The following WNT7B variants were observed in gnomAD, a reference collection of about 807,000 sequenced individuals.
The protein encoded by WNT7B is protein Wnt-7b.
WNT7B carries 19 observed loss-of-function variants against 38.2 expected under a neutral mutation model. The observed-to-expected ratio is 0.50, with a 90% CI of 0.35 to 0.73. The LOEUF (loss-of-function observed/expected upper bound fraction) is 0.73, where lower values mean the gene tolerates loss of function less well. Ranked by LOEUF, WNT7B falls within the 30% of genes least tolerant of loss-of-function variation. The pLI, the probability that WNT7B is intolerant of heterozygous loss-of-function variation, is 0.01. For missense variants in WNT7B, 423 were observed against 507.9 expected (o/e 0.83, Z 1.61); for synonymous variants, 243 against 209.3 (o/e 1.16, Z -1.39).
intron 1 of WNT7B, among the ~76,000 whole-genome samples, chr22:45,955,956 G>A (rs1047964177): frequency 9.2e-5 from 14 of 152,314 alleles, no homozygotes; most frequent in African/African-American, 2.2e-4. Context: ...CAGGTAGCGG[G>A]ACGACCTTGG....
At chr22:45,967,506 G>A (rs958062379) in intron 1 of WNT7B, among the ~76,000 whole-genome samples, 1 of 30,950 alleles carries the variant, frequency 3.2e-5, no homozygotes, top group Non-Finnish European at 6.7e-5. Flanking sequence ...AGAATGCACT[G>A]GCTCCGCACC....
intron 3 of WNT7B, among the ~76,000 whole-genome samples, chr22:45,929,053 G>C (rs56079916): frequency 0.41 from 62,151 of 152,042 alleles, 13,324 homozygotes; most frequent in African/African-American, 0.53. Context: ...AAAATGGGGA[G>C]AGTGAGAGTT....
intron 3 of WNT7B, among the ~76,000 whole-genome samples, chr22:45,924,672 G>A (rs943998318): frequency 5.9e-5 from 9 of 151,874 alleles, no homozygotes; most frequent in Non-Finnish European, 1.3e-4. Flanking sequence ...CCCTAGGCTG[G>A]CAGGTGGGTG....
At chr22:45,924,984 T>G (rs1931037245) in intron 3 of WNT7B, 1 of 888,286 alleles carries the variant, frequency 1.1e-6, no homozygotes, top group Non-Finnish European at 1.3e-6. Flanking sequence ...GGCTGGCAGG[T>G]GGGTGCCGGG....
intron 1 of WNT7B, among the ~76,000 whole-genome samples, chr22:45,969,300 C>A (rs928713187): frequency 2.0e-5 from 3 of 152,252 alleles, no homozygotes; most frequent in Admixed American, 6.5e-5. Flanking sequence ...ATGACAGGCT[C>A]CTACCGGAAG....
chr22:45,957,673 A>C (rs1476983585), intron 1 of WNT7B, among the ~76,000 whole-genome samples: 1 of 107,246 alleles, frequency 9.3e-6, no homozygotes, highest in Non-Finnish European at 1.8e-5. Context: ...AGGGAGCAAG[A>C]CTCCGTCTCA....
chr22:45,930,074 C>G (rs912678372), intron 3 of WNT7B, among the ~76,000 whole-genome samples: 1 of 149,686 alleles, frequency 6.7e-6, no homozygotes, highest in Non-Finnish European at 1.5e-5. Flanking sequence ...TGTGCCAGGC[C>G]CTACTTGCTT....
intron 1 of WNT7B, among the ~76,000 whole-genome samples, chr22:45,958,782 C>CG (rs1932130289): frequency 6.6e-6 from 1 of 152,178 alleles, no homozygotes; most frequent in South Asian, 2.1e-4. Flanking sequence ...TCGAAGACAG[C>CG]GGGGGCAGGA....
Position 45,976,787 on chromosome 22 carries a change from G to A in WNT7B, c.-33C>T, listed in dbSNP as rs754668322. ...GGAGGGGGGCTGCGCCATAGACAGCGGCGGCCGGAGGGGACGCGCGGGCCC... is the reference window on the plus strand; with the variant it reads ...GGAGGGGGGCTGCGCCATAGACAGCAGCGGCCGGAGGGGACGCGCGGGCCC... On this transcript the variant is annotated 5_prime_UTR_variant, in exon 1 of 4. Coordinates refer to ENST00000339464, the MANE Select transcript of WNT7B (RefSeq NM_058238.3). The surrounding 1 kb of genome is among the most constrained non-coding windows in gnomAD (Gnocchi z 8.5). The A allele has an allele frequency of 3.2e-6, 5 of 1,581,674 alleles. No individual in the cohort carries two copies.
At chr22:45,970,900 G>A (rs904528425) in intron 1 of WNT7B, among the ~76,000 whole-genome samples, 1 of 152,238 alleles carries the variant, frequency 6.6e-6, no homozygotes, top group South Asian at 2.1e-4. Flanking sequence ...CGATGCCTCC[G>A]CAGCCGGGGC....
intron 3 of WNT7B, among the ~76,000 whole-genome samples, chr22:45,928,070 A>C (rs1931149510): frequency 6.6e-6 from 1 of 152,154 alleles, no homozygotes; most frequent in African/African-American, 2.4e-5. Flanking sequence ...GCCAACCAGC[A>C]CCTCGATTTT....
In WNT7B at chr22:45,932,674, T is replaced by C. The variant is rs117822509; in HGVS notation, c.299-1305A>G. Among the ~76,000 whole-genome samples, 520 of 152,340 alleles carry C rather than the reference T, an allele frequency of 3.4e-3. 13 individuals carry two copies. In the East Asian group the frequency reaches 0.072, roughly 21 times the overall value. ...CCTGGCTGAGTCCATGTCATTTCTA[T>C]GTCCCCAGCGCCTGGTCCATGTGGA... On this transcript the variant is annotated intron_variant, in intron 2 of 3. Coordinates refer to ENST00000339464, the MANE Select transcript of WNT7B (RefSeq NM_058238.3).
chr22:45,926,365 C>T (rs570055444), intron 3 of WNT7B: 18 of 985,384 alleles, frequency 1.8e-5, no homozygotes, highest in Non-Finnish European at 1.9e-5. Context: ...GGCCTTGGTT[C>T]CTCCTCGACG....
At chr22:45,926,452 A>G in intron 3 of WNT7B, 1 of 985,396 alleles carries the variant, frequency 1.0e-6, no homozygotes, top group South Asian at 4.7e-5. Context: ...TCTTTCCAGA[A>G]TAAGGGTGTA....
intron 3 of WNT7B, chr22:45,927,009 T>G (rs1361838150): frequency 1.0e-6 from 1 of 985,296 alleles, no homozygotes. Flanking sequence ...CTGGTGGAAC[T>G]CCACAGCGAT....
rs781166719 is a variant in WNT7B, at chr22:45,923,340, G to A, written c.571-5C>T. The A allele has an allele frequency of 3.3e-5, 53 of 1,592,920 alleles. No individual in the cohort carries two copies. Among genetic ancestry groups the A allele is most frequent in the East Asian group, 6.7e-5 (3 of 44,528 alleles). On this transcript the variant is annotated splice_region_variant and splice_polypyrimidine_tract_variant and intron_variant, in intron 3 of 3. Coordinates refer to ENST00000339464, the MANE Select transcript of WNT7B (RefSeq NM_058238.3). ...CTGCATCCGGTCCTCTAGAACCTGC[G>A]GGTGACAGGGAAGCTGCTCGGCACG...
Position 45,976,578 on chromosome 22 carries a change from T to G in WNT7B, c.71+106A>C. 8.1e-7 allele frequency: 1 copy of G among 1,238,894 alleles called. No homozygotes were observed. Among genetic ancestry groups the G allele is most frequent in the Non-Finnish European group, 1.1e-6 (1 of 873,034 alleles). The allele number at this position is 1,238,894 out of a possible 1,614,324, so 76.7% of individuals were successfully genotyped here. A position where few individuals can be genotyped will look rare whatever the true frequency, so the allele number is the denominator to read the frequency against. ...GGGCCAGCCCCGGAGCCCAGAGAGC[T>G]GCAGTGGCCCCCTCCAGTCCCCACG... On this transcript the variant is annotated intron_variant, in intron 1 of 3. Transcript: ENST00000339464. The surrounding 1 kb of genome is among the most constrained non-coding windows in gnomAD (Gnocchi z 8.5).
At position 45,951,891 on chromosome 22, in the gene WNT7B, G is replaced by C. The variant is rs1355843680; in HGVS notation, c.72-1745C>G. Among the ~76,000 whole-genome samples, 1 of 152,190 alleles carries C rather than the reference G, an allele frequency of 6.6e-6. No individual in the cohort carries two copies. Among genetic ancestry groups the C allele is most frequent in the African/African-American group, 2.4e-5 (1 of 41,440 alleles). On this transcript the variant is annotated intron_variant, in intron 1 of 3. Transcript: ENST00000339464. This position sits in a 1 kb window ranked among gnomAD's most constrained non-coding sequence, Gnocchi z 4.8. The stretch of plus-strand genomic sequence containing the variant: ...GCCTGTTTTCAGTCTCTGGGGCATG[G>C]ACCTATGAGTTGCTGGGTCAGGTGG...
At chr22:45,936,709 G>T (rs1931522749) in intron 2 of WNT7B, among the ~76,000 whole-genome samples, 1 of 152,254 alleles carries the variant, frequency 6.6e-6, no homozygotes, top group Admixed American at 6.5e-5. Flanking sequence ...TCCAGGGAAG[G>T]GGGTGTGTGC....
Sources: allele counts gnomAD v4.1 joint callset (sites outside exome capture counted in the v4.1 genomes callset), GRCh38; gene constraint gnomAD v4.1.1; non-coding constraint Gnocchi (gnomAD v3.1); transcripts MANE v1.5; gene names NCBI Gene and HGNC (gene_info 2026-07-23, HGNC 2026-07-21).